The following CSMD1 variants were observed in gnomAD, a reference collection of about 807,000 sequenced individuals.
CSMD1 encodes the protein CUB and sushi domain-containing protein 1.
CSMD1 carries 213 observed loss-of-function variants against 417.5 expected under a neutral mutation model. That is an observed-to-expected ratio of 0.51 (90% CI 0.46 to 0.57). The LOEUF is 0.57. Among genes scored for constraint, CSMD1 ranks in the 20% least tolerant of loss-of-function variants. The pLI is 0.00. For synonymous variants in CSMD1, 2,862 were observed against 1,736.8 expected (o/e 1.65, Z -16.11); for missense variants, 6,923 against 4,529.7 (o/e 1.53, Z -15.17).
intron 2 of CSMD1, among the ~76,000 whole-genome samples, chr8:4,590,349 T>A (rs902147443): frequency 6.6e-6 from 1 of 152,122 alleles, no homozygotes; most frequent in Non-Finnish European, 1.5e-5. Context: ...CAGAATACAT[T>A]AAATTCTAAA....
rs936184886 is a variant in CSMD1 at position 3,096,952 on chromosome 8, C to T, written c.7035G>A (p.Gln2345=). Reference sequence around the variant, plus strand: ...CCACTTTAATACTCCAAGAGCAAGTCTGGGAGTTAAAATAATTACCCGGAT... The same window carrying T: ...CCACTTTAATACTCCAAGAGCAAGTTTGGGAGTTAAAATAATTACCCGGAT... ...PGYPGNYFNS[Q]TCSWSIKVEP... Residue 2345 remains glutamine (Q), a synonymous_variant, in exon 47 of 70, where the codon CAG becomes CAA. Transcript: ENST00000635120. 3 of 1,555,488 alleles carry T rather than the reference C, an allele frequency of 1.9e-6. No homozygotes were observed. Among genetic ancestry groups the T allele is most frequent in the Non-Finnish European group, 2.6e-6 (3 of 1,148,562 alleles).
Position 4,795,204 on chromosome 8 carries a change from A to G in CSMD1, c.86-157646T>C, listed in dbSNP as rs112269173. Among the ~76,000 whole-genome samples the G allele has an allele frequency of 3.3e-3, 489 of 147,310 alleles. 9 individuals are homozygous for G. Among genetic ancestry groups the G allele is most frequent in the African/African-American group, 0.012 (472 of 39,602 alleles). On this transcript the variant is annotated intron_variant, in intron 1 of 69. Coordinates refer to ENST00000635120, the MANE Select transcript of CSMD1 (RefSeq NM_033225.6). ...GTGAAAAGACGCTTAACCAGCTCAC[A>G]TATTGAGGTGCAATCAGAACACATT... is the stretch of plus-strand genomic sequence containing the variant.
chr8:3,431,991 T>C (rs1814245879), intron 12 of CSMD1, among the ~76,000 whole-genome samples: 1 of 152,164 alleles, frequency 6.6e-6, no homozygotes, highest in South Asian at 2.1e-4. Context: ...TCGAATGTGA[T>C]CATGTAAGAG....
At chr8:4,207,010 G>T (rs537543837) in intron 3 of CSMD1, among the ~76,000 whole-genome samples, 1 of 152,108 alleles carries the variant, frequency 6.6e-6, no homozygotes, top group Non-Finnish European at 1.5e-5. Context: ...TAGTAGATAA[G>T]ATCACATATT....
intron 66 of CSMD1, among the ~76,000 whole-genome samples, chr8:2,950,801 G>GA (rs1802576334): frequency 6.6e-6 from 1 of 152,126 alleles, no homozygotes; most frequent in Non-Finnish European, 1.5e-5. Context: ...AAGAGCACAT[G>GA]AGTTAAGAAA....
chr8:3,650,169 T>C (rs548424605), intron 7 of CSMD1, among the ~76,000 whole-genome samples: 13 of 151,896 alleles, frequency 8.6e-5, no homozygotes, highest in South Asian at 6.3e-4. Context: ...ATCCCAGCTA[T>C]TGGGGAGGCT....
At chr8:3,048,167 C>G (rs62490536) in intron 50 of CSMD1, among the ~76,000 whole-genome samples, 39,089 of 152,148 alleles carry the variant, frequency 0.26, 5,755 homozygotes, top group East Asian at 0.36. Context: ...GTACCCATGT[C>G]AGTCAGGACA....
intron 7 of CSMD1, among the ~76,000 whole-genome samples, chr8:3,681,463 C>T (rs1046806888): frequency 2.0e-5 from 3 of 152,060 alleles, no homozygotes; most frequent in African/African-American, 7.2e-5. Flanking sequence ...AATAAAATAC[C>T]TAGGAATCCA....
chr8:4,521,996 T>G (rs1368637113), intron 2 of CSMD1, among the ~76,000 whole-genome samples: 1 of 152,200 alleles, frequency 6.6e-6, no homozygotes, highest in African/African-American at 2.4e-5. Flanking sequence ...TATTAAATTT[T>G]GAAAATCAAG....
intron 3 of CSMD1, among the ~76,000 whole-genome samples, chr8:4,336,563 C>T (rs1800185555): frequency 6.6e-6 from 1 of 152,138 alleles, no homozygotes; most frequent in Non-Finnish European, 1.5e-5. Context: ...TAGATGGTTT[C>T]CAGTGGCCTG....
chr8:3,226,605 G>C (rs975805675), intron 27 of CSMD1, among the ~76,000 whole-genome samples: 1 of 143,198 alleles, frequency 7.0e-6, no homozygotes, highest in African/African-American at 2.6e-5. Flanking sequence ...AAAAAAAGTC[G>C]TTAATGTCCT....
intron 3 of CSMD1, among the ~76,000 whole-genome samples, chr8:4,368,663 A>G (rs917282814): frequency 6.6e-6 from 1 of 152,158 alleles, no homozygotes; most frequent in African/African-American, 2.4e-5. Context: ...TGGTCTGTTC[A>G]GGATTTTAAT....
At chr8:4,467,897 C>A (rs1800279865) in intron 2 of CSMD1, among the ~76,000 whole-genome samples, 1 of 152,124 alleles carries the variant, frequency 6.6e-6, no homozygotes, top group Non-Finnish European at 1.5e-5. Context: ...GTGGGTTGAA[C>A]ACTGGTTTTT....
intron 1 of CSMD1, among the ~76,000 whole-genome samples, chr8:4,941,200 ATTC>A (rs1273014148): frequency 4.6e-5 from 7 of 152,212 alleles, no homozygotes; most frequent in African/African-American, 1.2e-4. Flanking sequence ...TGTAACATTC[ATTC>A]TTGTTTCAAA....
chr8:4,784,877 T>C (rs75440461), intron 1 of CSMD1, among the ~76,000 whole-genome samples: 1,594 of 152,306 alleles, frequency 0.01, 14 homozygotes, highest in East Asian at 0.056. Context: ...CTGAGGTCTA[T>C]TCCAGCCCTT....
intron 2 of CSMD1, among the ~76,000 whole-genome samples, chr8:4,549,447 A>G (rs1206042711): frequency 6.6e-6 from 1 of 152,150 alleles, no homozygotes; most frequent in Admixed American, 6.5e-5. Flanking sequence ...TGCTTTTTTA[A>G]TTGACTCTGT....
chr8:4,437,270 C>G (rs1352491319), intron 2 of CSMD1, among the ~76,000 whole-genome samples: 1 of 152,084 alleles, frequency 6.6e-6, no homozygotes, highest in Non-Finnish European at 1.5e-5. Context: ...GAAAAGTAAA[C>G]TTCCTTTTAA....
intron 5 of CSMD1, among the ~76,000 whole-genome samples, chr8:3,790,450 C>T (rs13281239): frequency 0.21 from 31,463 of 151,804 alleles, 3,502 homozygotes; most frequent in South Asian, 0.26. Flanking sequence ...GATGATGACA[C>T]GGTTATGGTA....
At chr8:3,758,598 G>C (rs780086590) in intron 5 of CSMD1, among the ~76,000 whole-genome samples, 1 of 152,130 alleles carries the variant, frequency 6.6e-6, no homozygotes, top group Non-Finnish European at 1.5e-5. Context: ...GTAATTTAAA[G>C]GAAGATGATT....
Sources: gnomAD v4.1 joint callset for allele counts (sites outside exome capture counted in the v4.1 genomes callset) on GRCh38, gnomAD v4.1.1 for gene constraint, MANE v1.5 for transcripts, NCBI Gene and HGNC (gene_info 2026-07-23, HGNC 2026-07-21) for gene names.